OTX1: variants seen among roughly 807,000 people sequenced by gnomAD.
The protein encoded by OTX1 is homeobox protein OTX1.
In OTX1, 7 loss-of-function variants were observed where a neutral mutation model predicts 26.7. The observed-to-expected ratio is 0.26, with a 90% CI of 0.15 to 0.49. The LOEUF (loss-of-function observed/expected upper bound fraction) is 0.49. Ranked by LOEUF, OTX1 falls within the 20% of genes least tolerant of loss-of-function variation. The pLI is 0.98. For synonymous variants in OTX1, 216 were observed against 212.8 expected, an observed-to-expected ratio of 1.01 and a Z score of -0.13; for missense variants, 414 against 483.8, an observed-to-expected ratio of 0.86 and a Z score of 1.35.
In OTX1 at chr2:63,057,773, C is replaced by T. The variant is rs2062078872; in HGVS notation, c.*1457C>T. The T allele has an allele frequency of 6.6e-6, 1 of 152,152 alleles. No individual in the cohort carries two copies. Among genetic ancestry groups the T allele is most frequent in the African/African-American group, 2.4e-5 (1 of 41,426 alleles). The allele number at this position is 152,152 out of a possible 1,614,324, so 9.4% of individuals were successfully genotyped here. ...ACAAATTACTTGTTGAAATGTAAGG[C>T]AGTCCCCCTCCTCCTCTTTATCTAC... On this transcript the variant is annotated 3_prime_UTR_variant, in exon 5 of 5. Transcript: ENST00000282549.
At chr2:63,050,190 G>C (rs1383371288), upstream of OTX1, 1 of 152,246 alleles carries the variant, frequency 6.6e-6, no homozygotes, top group Non-Finnish European at 1.5e-5. Flanking sequence ...GCTCTTCCCA[G>C]GCGCGAGAGT....
Position 63,054,072 on chromosome 2 carries a change from G to A in OTX1, c.123G>A (p.Glu41=). The change falls in exon 4 of 5, where the codon GAG becomes GAA. Residue 41 remains glutamate (E), a synonymous_variant. Transcript: ENST00000282549. ...YPATPRKQRR[E]RTTFTRSQLD... ...CCACTCCGCGGAAGCAGCGGCGGGA[G>A]CGCACCACCTTCACGCGTTCACAGC... 6.2e-7 allele frequency: 1 copy of A among 1,608,828 alleles called. No homozygotes were observed. The highest frequency in any genetic ancestry group is 8.5e-7 in the Non-Finnish European group (1 of 1,178,194).
rs1272093212 is a variant in OTX1 at position 63,054,061 on chromosome 2, C to A, written c.112C>A (p.Gln38Lys). 6.2e-7 allele frequency: 1 copy of A among 1,604,022 alleles called. No homozygotes were observed. Among genetic ancestry groups the A allele is most frequent in the Non-Finnish European group, 8.5e-7 (1 of 1,175,804 alleles). Residue 38 changes from glutamine (Q) to lysine (K), a missense_variant, in exon 4 of 5, where the codon CAG becomes AAG. Gln to Lys is a moderately conservative substitution (Grantham distance 53). Coordinates refer to ENST00000282549, the MANE Select transcript of OTX1 (RefSeq NM_014562.4). ...TGTCCCCGCAGCCACTCCGCGGAAG[C>A]AGCGGCGGGAGCGCACCACCTTCAC... ...SVGYPATPRK[Q>K]RRERTTFTRS...
At position 63,056,017 on chromosome 2, in the gene OTX1, C is replaced by A; in HGVS notation, c.766C>A (p.His256Asn). 1 of 1,614,092 alleles carries A rather than the reference C, an allele frequency of 6.2e-7. No individual in the cohort carries two copies. The highest frequency in any genetic ancestry group is 1.3e-5 in the African/African-American group (1 of 75,036). ...CTGCAGCTCATACCTAGCGCCCATG[C>A]ACTCACATCACCACCCGCACCAGCT... The part of the protein sequence containing the change: ...VDCSSYLAPM[H>N]SHHHPHQLSP... Residue 256 changes from histidine to asparagine, a missense_variant, in exon 5 of 5, where the codon CAC becomes AAC. Physicochemically the swap from His to Asn is moderately conservative, Grantham distance 68. Transcript: ENST00000282549.
chr2:63,055,590 T>A lies in OTX1; in HGVS notation c.339T>A (p.Ser113=). 6.2e-7 allele frequency: 1 copy of A among 1,614,042 alleles called. No homozygotes were observed. Among genetic ancestry groups the A allele is most frequent in the Non-Finnish European group, 8.5e-7 (1 of 1,180,024 alleles). The change falls in exon 5 of 5, where the codon TCT becomes TCA. Residue 113 remains serine, a synonymous_variant. Transcript: ENST00000282549. The surrounding 1 kb of genome is among the most constrained non-coding windows in gnomAD (Gnocchi z 5.2). ...TKSRPAKKKS[S]PVRESSGSES... ...GCCGCCCAGCCAAGAAGAAGTCCTCTCCAGTGCGGGAGAGCTCGGGCTCCG... is the reference window on the plus strand; with the variant it reads ...GCCGCCCAGCCAAGAAGAAGTCCTCACCAGTGCGGGAGAGCTCGGGCTCCG...
At chr2:63,051,617 C>G (rs2062027803) in intron 2 of OTX1, 1 of 152,468 alleles carries the variant, frequency 6.6e-6, no homozygotes, top group South Asian at 2.1e-4. Flanking sequence ...TCCTTCGGCC[C>G]TAGAGCCCTG....
rs1285886076 is a variant in OTX1, at chr2:63,056,333, G to A, written c.*17G>A. On this transcript the variant is annotated 3_prime_UTR_variant, in exon 5 of 5. Transcript: ENST00000282549. ...GTCTTGTGAGCCCAGGAATGAAAGAGGAGAAGAAACGCAACTACCTGCGCC... is the reference window on the plus strand; with the variant it reads ...GTCTTGTGAGCCCAGGAATGAAAGAAGAGAAGAAACGCAACTACCTGCGCC... The A allele has an allele frequency of 1.4e-5, 23 of 1,594,954 alleles. No homozygotes were observed. The highest frequency in any genetic ancestry group is 2.0e-5 in the Non-Finnish European group (23 of 1,167,760).
chr2:63,056,198 G>A lies in OTX1; in HGVS notation c.947G>A (p.Cys316Tyr). The change falls in exon 5 of 5, where the codon TGC becomes TAC. Residue 316 changes from cysteine to tyrosine, a missense_variant. Around this residue, in one of 3 missense-constraint regions of OTX1, gnomAD observed 320 missense variants for 347.9 expected, o/e 0.92. Transcript: ENST00000282549. ...GSGLAFNSAD[C>Y]LDYKEPGAAA... ...GGGCTTGCCTTCAACTCTGCCGACTGCTTGGATTACAAGGAGCCTGGCGCC... is the reference window on the plus strand; with the variant it reads ...GGGCTTGCCTTCAACTCTGCCGACTACTTGGATTACAAGGAGCCTGGCGCC... 1 of 1,614,090 alleles carries A rather than the reference G, an allele frequency of 6.2e-7. No individual in the cohort carries two copies. Among genetic ancestry groups the A allele is most frequent in the Non-Finnish European group, 8.5e-7 (1 of 1,180,014 alleles).
chr2:63,055,358 C>A lies in OTX1; in HGVS notation c.250-143C>A. ...AACCGAGGTAGGGGGCAGGGTCTGG[C>A]CAGGCCAGAGACAGGAAGGGGCGGA... On this transcript the variant is annotated intron_variant, in intron 4 of 4. Transcript: ENST00000282549. The surrounding 1 kb of genome is among the most constrained non-coding windows in gnomAD (Gnocchi z 5.2). The A allele has an allele frequency of 2.3e-6, 2 of 869,534 alleles. No homozygotes were observed. Among genetic ancestry groups the A allele is most frequent in the Non-Finnish European group, 3.5e-6 (2 of 577,632 alleles). 53.9% of individuals were successfully genotyped at this position (869,534 alleles called of 1,614,324 possible).
At chr2:63,053,280 G>A (rs2062039009) in intron 3 of OTX1, 193 bp downstream of exon 3, 1 of 457,764 alleles carries the variant, frequency 2.2e-6, no homozygotes, top group Admixed American at 4.2e-5. Context: ...GAGGTGGCCA[G>A]GGCTGAGAAA....
Position 63,056,296 on chromosome 2 carries a change from T to A in OTX1, c.1045T>A (p.Trp349Arg), listed in dbSNP as rs2062067385. 4 of 1,612,882 alleles carry A rather than the reference T, an allele frequency of 2.5e-6. No individual in the cohort carries two copies. The highest frequency in any genetic ancestry group is 2.5e-6 in the Non-Finnish European group (3 of 1,179,178). The change falls in exon 5 of 5, where the codon TGG (tryptophan) becomes AGG (arginine). Residue 349 changes from tryptophan (W) to arginine (R), a missense_variant. This residue lies in a region of OTX1 where 320 missense variants were observed against 347.9 expected (regional missense o/e 0.92). Coordinates refer to ENST00000282549, the MANE Select transcript of OTX1 (RefSeq NM_014562.4). ...DCLDYKDQAS[W>R]RFQVL Reference sequence around the variant, plus strand: ...TCTGGACTATAAGGACCAAGCCTCATGGCGGTTCCAGGTCTTGTGAGCCCA... The same window carrying A: ...TCTGGACTATAAGGACCAAGCCTCAAGGCGGTTCCAGGTCTTGTGAGCCCA...
Position 63,054,148 on chromosome 2 carries a change from A to T in OTX1, c.199A>T (p.Met67Leu). ...CAAGACTCGCTACCCTGACATCTTC[A>T]TGCGGGAGGAGGTGGCGCTCAAGAT... ...FAKTRYPDIF[M>L]REEVALKINL... is the part of the protein sequence containing the mutation. Residue 67 changes from methionine to leucine, a missense_variant, in exon 4 of 5, where the codon ATG (methionine) becomes TTG (leucine). Physicochemically the swap from Met to Leu is conservative, Grantham distance 15. Transcript: ENST00000282549. 1 of 1,611,402 alleles carries T rather than the reference A, an allele frequency of 6.2e-7. No individual in the cohort carries two copies. The highest frequency in any genetic ancestry group is 8.5e-7 in the Non-Finnish European group (1 of 1,178,608).
chr2:63,054,934 G>A (rs939188305), intron 4 of OTX1, among the ~76,000 whole-genome samples: 3 of 152,124 alleles, frequency 2.0e-5, no homozygotes, highest in Non-Finnish European at 4.4e-5. Context: ...CTTCCTTCCC[G>A]AGTCCCTCAA....
chr2:63,050,657 A>G (rs933337509), upstream of OTX1: 1 of 33,162 alleles, frequency 3.0e-5, no homozygotes, highest in African/African-American at 1.1e-4. Flanking sequence ...GAGGGCGGGG[A>G]GGGCGGGGTG....
At chr2:63,053,324 G>T in intron 3 of OTX1, 2 of 438,382 alleles carry the variant, frequency 4.6e-6, no homozygotes, top group Non-Finnish European at 8.0e-6. Context: ...CCGGATCACC[G>T]GCAACCTTTC....
Position 63,054,040 on chromosome 2 carries a change from C to G in OTX1, c.98-7C>G. 4.4e-6 allele frequency: 7 copies of G among 1,608,204 alleles called. No homozygotes were observed. Among genetic ancestry groups the G allele is most frequent in the Non-Finnish European group, 5.9e-6 (7 of 1,177,298 alleles). On this transcript the variant is annotated splice_region_variant and splice_polypyrimidine_tract_variant and intron_variant, in intron 3 of 4. Transcript: ENST00000282549. Reference sequence around the variant, plus strand: ...ATGACCCGCGGCGCCCCCGCGTGTCCCCGCAGCCACTCCGCGGAAGCAGCG... The same window carrying G: ...ATGACCCGCGGCGCCCCCGCGTGTCGCCGCAGCCACTCCGCGGAAGCAGCG...
Position 63,056,675 on chromosome 2 carries a change from C to T in OTX1, c.*359C>T. The T allele has an allele frequency of 3.5e-6, 1 of 287,548 alleles. No individual in the cohort carries two copies. Among genetic ancestry groups the T allele is most frequent in the South Asian group, 6.4e-5 (1 of 15,642 alleles). 17.8% of individuals were successfully genotyped at this position (287,548 alleles called of 1,614,324 possible). On this transcript the variant is annotated 3_prime_UTR_variant, in exon 5 of 5. Coordinates refer to ENST00000282549, the MANE Select transcript of OTX1 (RefSeq NM_014562.4). ...TTGCAGCCTTCGGAGGCTCTGCGCT[C>T]TGATCCGCTGTTTGAGCCCAACACT...
rs748884135 is a variant in OTX1, at chr2:63,056,015, T to G, written c.764T>G (p.Met255Arg). The change falls in exon 5 of 5, where the codon ATG becomes AGG. Residue 255 changes from methionine to arginine, a missense_variant. Physicochemically the swap from Met to Arg is moderately conservative, Grantham distance 91 (BLOSUM62 -1). Transcript: ENST00000282549. ...GACTGCAGCTCATACCTAGCGCCCA[T>G]GCACTCACATCACCACCCGCACCAG... ...GVDCSSYLAP[M>R]HSHHHPHQLS... 3.1e-6 allele frequency: 5 copies of G among 1,613,900 alleles called. No individual in the cohort carries two copies. Among genetic ancestry groups the G allele is most frequent in the Non-Finnish European group, 4.2e-6 (5 of 1,180,032 alleles).
Position 63,052,952 on chromosome 2 carries a change from C to A in OTX1, c.-39C>A. Reference sequence around the variant, plus strand: ...CCCTGCACCGCTCCTGGCCCCGGGCCCCCTGGATCCGTCGGGGCGCCTCCA... The same window carrying A: ...CCCTGCACCGCTCCTGGCCCCGGGCACCCTGGATCCGTCGGGGCGCCTCCA... On this transcript the variant is annotated 5_prime_UTR_variant, in exon 3 of 5. Coordinates refer to ENST00000282549, the MANE Select transcript of OTX1 (RefSeq NM_014562.4). 1 of 1,435,630 alleles carries A rather than the reference C, an allele frequency of 7.0e-7. No homozygotes were observed. The allele number at this position is 1,435,630 out of a possible 1,614,324, so 88.9% of individuals were successfully genotyped here.
Sources: allele counts gnomAD v4.1 joint callset (sites outside exome capture counted in the v4.1 genomes callset), GRCh38; gene constraint gnomAD v4.1.1; regional missense constraint gnomAD v4.1.1; non-coding constraint Gnocchi (gnomAD v3.1); transcripts MANE v1.5; gene names NCBI Gene and HGNC (gene_info 2026-07-23, HGNC 2026-07-21).